CLCN6: variants seen among roughly 807,000 people sequenced by gnomAD.
The protein encoded by CLCN6 is H(+)/Cl(-) exchange transporter 6.
A neutral mutation model predicts 109.8 loss-of-function variants in CLCN6; 70 were observed. That is an observed-to-expected ratio of 0.64 (90% CI 0.53 to 0.78). CLCN6 has a LOEUF of 0.78. Ranked by LOEUF, CLCN6 falls within the 30% of genes least tolerant of loss-of-function variation. The probability of loss-of-function intolerance (pLI) is 0.00; values close to 1 mark genes in which losing one functional copy is unlikely to be tolerated. For missense variants in CLCN6, 984 were observed against 1,142.3 expected, an observed-to-expected ratio of 0.86 and a Z score of 2.00; for synonymous variants, 444 against 447.8, an observed-to-expected ratio of 0.99 and a Z score of 0.11.
chr1:11,807,078 C>A, intron 1 of CLCN6, 53 bp from the exon 2 acceptor site: 2 of 1,473,996 alleles, frequency 1.4e-6, no homozygotes, highest in Non-Finnish European at 1.9e-6. Context: ...ACTTCTGCCT[C>A]CTTCCACTCC....
Position 11,835,979 on chromosome 1 carries a change from C to G in CLCN6, c.1806C>G (p.Ser602Arg). Residue 602 changes from serine to arginine, a missense_variant, in exon 18 of 23, where the codon AGC (serine) becomes AGG (arginine). Coordinates refer to ENST00000346436, the MANE Select transcript of CLCN6 (RefSeq NM_001286.5). ...TEVEMDKLRA[S>R]DIMEPNLTYV... The stretch of plus-strand genomic sequence containing the variant: ...CCTCCTCCCCCAGGCTGAGAGCCAG[C>G]GACATCATGGAGCCCAACCTGACCT... 6.2e-7 allele frequency: 1 copy of G among 1,613,058 alleles called. No homozygotes were observed. The highest frequency in any genetic ancestry group is 8.5e-7 in the Non-Finnish European group (1 of 1,179,638).
intron 2 of CLCN6, among the ~76,000 whole-genome samples, chr1:11,814,376 A>C (rs559168993): frequency 6.6e-6 from 1 of 151,304 alleles, no homozygotes; most frequent in South Asian, 2.1e-4. Flanking sequence ...TAGCCTCCCG[A>C]GTAGCTGGGA....
intron 4 of CLCN6, among the ~76,000 whole-genome samples, chr1:11,818,240 T>C (rs1186958110): frequency 6.6e-6 from 1 of 152,226 alleles, no homozygotes; most frequent in Non-Finnish European, 1.5e-5. Context: ...TATCAAACTC[T>C]TTGGAGCTGC....
chr1:11,840,469 C>T lies in CLCN6; in HGVS notation c.*246C>T, dbSNP rs374582976. 2 of 570,518 alleles carry T rather than the reference C, an allele frequency of 3.5e-6. No individual in the cohort carries two copies. Among genetic ancestry groups the T allele is most frequent in the Non-Finnish European group, 6.3e-6 (2 of 316,550 alleles). The allele number at this position is 570,518 out of a possible 1,614,324, so 35.3% of individuals were successfully genotyped here. On this transcript the variant is annotated 3_prime_UTR_variant, in exon 23 of 23. Coordinates refer to ENST00000346436, the MANE Select transcript of CLCN6 (RefSeq NM_001286.5). ...CACTTCCTGCTCCCTGTGTTCCCACCCTCCAGTGTTGGCACAGGCCCACCC... is the reference window on the plus strand; with the variant it reads ...CACTTCCTGCTCCCTGTGTTCCCACTCTCCAGTGTTGGCACAGGCCCACCC...
intron 4 of CLCN6, among the ~76,000 whole-genome samples, chr1:11,819,213 T>A (rs1644710525): frequency 6.6e-6 from 1 of 152,120 alleles, no homozygotes; most frequent in African/African-American, 2.4e-5. Context: ...TGGTCTCACA[T>A]CTTTTTCTGC....
At chr1:11,815,634 A>T (rs1192546751) in intron 2 of CLCN6, among the ~76,000 whole-genome samples, 1 of 152,174 alleles carries the variant, frequency 6.6e-6, no homozygotes, top group East Asian at 1.9e-4. Flanking sequence ...ACCTCAGGTG[A>T]TCCACCTGCC....
At chr1:11,816,158 GT>G (rs1381167533) in intron 3 of CLCN6, among the ~76,000 whole-genome samples, 3 of 152,142 alleles carry the variant, frequency 2.0e-5, no homozygotes, top group African/African-American at 7.2e-5. Flanking sequence ...CATGCATTTT[GT>G]TTGCATTTTT....
chr1:11,833,672 AT>A (rs1215254464), intron 14 of CLCN6, 34 bp downstream of exon 14: 13 of 1,611,410 alleles, frequency 8.1e-6, no homozygotes, highest in Admixed American at 1.7e-5. Flanking sequence ...ATCGTGGGTG[AT>A]TGGTGTCATC....
intron 13 of CLCN6, among the ~76,000 whole-genome samples, chr1:11,831,354 A>T (rs920121229): frequency 6.6e-6 from 1 of 151,488 alleles, no homozygotes; most frequent in Non-Finnish European, 1.5e-5. Context: ...ACGGAGTTTC[A>T]CTATTTTGGC....
At chr1:11,832,251 T>C (rs1344784233) in intron 13 of CLCN6, among the ~76,000 whole-genome samples, 4 of 152,222 alleles carry the variant, frequency 2.6e-5, no homozygotes, top group Non-Finnish European at 5.9e-5. Flanking sequence ...AAATGAAATA[T>C]CCTTCTCAAC....
At chr1:11,812,631 C>A (rs1644613334) in intron 2 of CLCN6, among the ~76,000 whole-genome samples, 1 of 144,188 alleles carries the variant, frequency 6.9e-6, no homozygotes, top group South Asian at 2.2e-4. Flanking sequence ...CAAAAGATAC[C>A]ACGGCTCAAA....
chr1:11,839,885 G>A (rs1399938390), intron 22 of CLCN6, among the ~76,000 whole-genome samples: 1 of 152,250 alleles, frequency 6.6e-6, no homozygotes, highest in Non-Finnish European at 1.5e-5. Context: ...TGGGAGCTGA[G>A]CGCTGAGCAT....
intron 13 of CLCN6, 48 bp from the exon 14 acceptor site, chr1:11,833,467 C>G: frequency 6.2e-7 from 1 of 1,604,124 alleles, no homozygotes; most frequent in South Asian, 1.1e-5. Flanking sequence ...CACTTGAAGA[C>G]TCAAAGTCAG....
chr1:11,813,120 T>C (rs1557778898), intron 2 of CLCN6, among the ~76,000 whole-genome samples: 1 of 152,204 alleles, frequency 6.6e-6, no homozygotes, highest in Non-Finnish European at 1.5e-5. Context: ...AAGAAGAGTA[T>C]AGAAGCGTCT....
chr1:11,820,063 T>C (rs1025135399), intron 5 of CLCN6, among the ~76,000 whole-genome samples: 1 of 152,194 alleles, frequency 6.6e-6, no homozygotes, highest in Non-Finnish European at 1.5e-5. Context: ...TGGAAAATGA[T>C]AGAGAAGCAG....
rs750376131 is a variant in CLCN6, at chr1:11,834,627, A to G, written c.1793+37A>G. ...ATTTTGCTCATGTCCTAGTTTCAGAATGTATAAGCTCTGAGGCCTAAGGAA... is the reference window on the plus strand; with the variant it reads ...ATTTTGCTCATGTCCTAGTTTCAGAGTGTATAAGCTCTGAGGCCTAAGGAA... On this transcript the variant is annotated intron_variant, in intron 17 of 22. Transcript: ENST00000346436. The surrounding 1 kb of genome is among the most constrained non-coding windows in gnomAD (Gnocchi z 4.5). 5 of 1,534,290 alleles carry G rather than the reference A, an allele frequency of 3.3e-6. No homozygotes were observed. In the African/African-American group the frequency reaches 4.1e-5, roughly 13 times the overall value.
At position 11,828,571 on chromosome 1, in the gene CLCN6, G is replaced by T. The variant is rs1644841746; in HGVS notation, c.1068G>T (p.Lys356Asn). ...GAGCCACATTCAACTGTCTGAACAA[G>T]AGGCTTGCAAAGTACCGTATGCGAA... ...LLGATFNCLN[K>N]RLAKYRMRNV... The change falls in exon 12 of 23, where the codon AAG (lysine) becomes AAT (asparagine). Residue 356 changes from lysine to asparagine, a missense_variant. Transcript: ENST00000346436. 1 of 1,614,014 alleles carries T rather than the reference G, an allele frequency of 6.2e-7. No individual in the cohort carries two copies. The highest frequency in any genetic ancestry group is 1.3e-5 in the African/African-American group (1 of 74,906).
At chr1:11,835,819 T>C in intron 17 of CLCN6, 148 bp from the exon 18 acceptor site, 1 of 614,714 alleles carries the variant, frequency 1.6e-6, no homozygotes, top group South Asian at 2.0e-5. Flanking sequence ...TACAAAGGAA[T>C]GCATCGGGTT....
Position 11,806,289 on chromosome 1 carries a change from CTGCTGCTGCAGGTGG to C in CLCN6, c.37_51del (p.Arg13_Cys17del), listed in dbSNP as rs746447524. On this transcript the variant is annotated inframe_deletion, in exon 1 of 23. Coordinates refer to ENST00000346436, the MANE Select transcript of CLCN6 (RefSeq NM_001286.5). ...TGGCGGGGTGCAGGGGGTCTCTGTG[CTGCTGCTGCAGGTGG>C]TGCTGCTGCTGCGGTGAGCGTGAGA... The C allele has an allele frequency of 6.6e-7, 1 of 1,506,230 alleles. No individual in the cohort carries two copies. The highest frequency in any genetic ancestry group is 2.8e-5 in the Admixed American group (1 of 36,330). The allele number at this position is 1,506,230 out of a possible 1,614,324, so 93.3% of individuals were successfully genotyped here.
Sources: allele counts gnomAD v4.1 joint callset (sites outside exome capture counted in the v4.1 genomes callset), GRCh38; gene constraint gnomAD v4.1.1; non-coding constraint Gnocchi (gnomAD v3.1); transcripts MANE v1.5; gene names NCBI Gene and HGNC (gene_info 2026-07-23, HGNC 2026-07-21).